The following C7orf33 variants were observed in gnomAD, a reference collection of about 807,000 sequenced individuals.
C7orf33 encodes uncharacterized protein C7orf33.
A neutral mutation model predicts 13.4 loss-of-function variants in C7orf33; 15 were observed. That is an observed-to-expected ratio of 1.12 (90% CI 0.75 to 1.72). C7orf33 has a LOEUF of 1.72. Among genes scored for constraint, C7orf33 ranks in the 40% most tolerant of loss-of-function variants. C7orf33 has a pLI of 0.00. For synonymous variants in C7orf33, 73 were observed against 83.2 expected, an observed-to-expected ratio of 0.88 and a Z score of 0.67; for missense variants, 187 against 220.3, an observed-to-expected ratio of 0.85 and a Z score of 0.96.
rs187081306 is a variant in C7orf33 at position 148,606,601 on chromosome 7, C to T, written c.205-7441C>T. ...TCTTTTAAAAACAAACAAACAAAAA[C>T]GGAGTCTTGCTCTGTTGCCCAGGCT... On this transcript the variant is annotated intron_variant, in intron 1 of 2. Coordinates refer to ENST00000307003, the MANE Select transcript of C7orf33 (RefSeq NM_145304.4). Among the ~76,000 whole-genome samples, 250 of 152,164 alleles carry T rather than the reference C, an allele frequency of 1.6e-3. 1 individual carries two copies. Among genetic ancestry groups the T allele is most frequent in the Middle Eastern group, 3.4e-3 (1 of 294 alleles).
intron 1 of C7orf33, among the ~76,000 whole-genome samples, chr7:148,597,948 G>A (rs1382106338): frequency 6.6e-6 from 1 of 152,030 alleles, no homozygotes; most frequent in Non-Finnish European, 1.5e-5. Context: ...GTAGAGATGG[G>A]GTTTCACTGT....
intron 1 of C7orf33, among the ~76,000 whole-genome samples, chr7:148,607,709 G>T (rs1432359515): frequency 6.6e-6 from 1 of 152,068 alleles, no homozygotes; most frequent in Non-Finnish European, 1.5e-5. Flanking sequence ...AAAAAGTCCT[G>T]CAGGATATTT....
chr7:148,603,825 CAT>C (rs761399037), intron 1 of C7orf33, among the ~76,000 whole-genome samples: 9 of 152,296 alleles, frequency 5.9e-5, no homozygotes, highest in East Asian at 1.9e-4. Context: ...TCCATAGACA[CAT>C]GTGTTAATGG....
At chr7:148,595,339 G>A (rs1218231841) in intron 1 of C7orf33, among the ~76,000 whole-genome samples, 3 of 133,348 alleles carry the variant, frequency 2.2e-5, no homozygotes, top group Non-Finnish European at 3.1e-5. Flanking sequence ...ATATAATATA[G>A]ATCTATATTA....
At chr7:148,612,643 C>A (rs1796557198) in intron 1 of C7orf33, among the ~76,000 whole-genome samples, 1 of 152,098 alleles carries the variant, frequency 6.6e-6, no homozygotes, top group Non-Finnish European at 1.5e-5. Context: ...AGATACTCAA[C>A]ATCATTAGCC....
chr7:148,606,835 C>T (rs1353105509), intron 1 of C7orf33, among the ~76,000 whole-genome samples: 4 of 152,050 alleles, frequency 2.6e-5, no homozygotes, highest in South Asian at 4.1e-4. Context: ...GATCCACCCA[C>T]GTTGGCCTCC....
intron 1 of C7orf33, among the ~76,000 whole-genome samples, chr7:148,592,344 A>C (rs1426546497): frequency 6.6e-6 from 1 of 152,192 alleles, no homozygotes; most frequent in Non-Finnish European, 1.5e-5. Flanking sequence ...ATACCTCCTC[A>C]GCCAGGGGTA....
At chr7:148,597,660 C>T (rs1303399897) in intron 1 of C7orf33, among the ~76,000 whole-genome samples, 1 of 152,198 alleles carries the variant, frequency 6.6e-6, no homozygotes, top group Non-Finnish European at 1.5e-5. Flanking sequence ...CTAGCCCCAT[C>T]CTTCCCAATC....
At chr7:148,606,568 C>T (rs1796475245) in intron 1 of C7orf33, among the ~76,000 whole-genome samples, 1 of 151,804 alleles carries the variant, frequency 6.6e-6, no homozygotes, top group South Asian at 2.1e-4. Flanking sequence ...TTCCTCAATC[C>T]TCATAGGTCT....
chr7:148,604,019 A>G (rs1164713264), intron 1 of C7orf33, among the ~76,000 whole-genome samples: 1 of 152,260 alleles, frequency 6.6e-6, no homozygotes, highest in Non-Finnish European at 1.5e-5. Flanking sequence ...GATTTGATAA[A>G]GAAATTGTGA....
At chr7:148,601,327 C>A (rs1325235007) in intron 1 of C7orf33, among the ~76,000 whole-genome samples, 1 of 151,936 alleles carries the variant, frequency 6.6e-6, no homozygotes, top group East Asian at 1.9e-4. Flanking sequence ...TATTTATTTT[C>A]CAAATAAGTG....
At chr7:148,600,789 T>A (rs943806455) in intron 1 of C7orf33, among the ~76,000 whole-genome samples, 8 of 151,252 alleles carry the variant, frequency 5.3e-5, no homozygotes, top group Non-Finnish European at 8.8e-5. Context: ...TTTCTCCATT[T>A]TATGGACTTC....
Position 148,594,175 on chromosome 7 carries a change from T to C in C7orf33, c.204+3046T>C, listed in dbSNP as rs111304866. Among the ~76,000 whole-genome samples, 53 of 149,546 alleles carry C rather than the reference T, an allele frequency of 3.5e-4. 1 individual carries two copies. The highest frequency in any genetic ancestry group is 3.5e-3 in the Middle Eastern group (1 of 288). On this transcript the variant is annotated intron_variant, in intron 1 of 2. Coordinates refer to ENST00000307003, the MANE Select transcript of C7orf33 (RefSeq NM_145304.4). ...TGAGCCAATTAAACCTCTTTTCTTT[T>C]TTTTTTTTTTTTTTTCTGAGACAGA...
intron 1 of C7orf33, among the ~76,000 whole-genome samples, chr7:148,608,157 T>C (rs1208890738): frequency 1.3e-5 from 2 of 152,214 alleles, no homozygotes; most frequent in Non-Finnish European, 2.9e-5. Flanking sequence ...GGCTGGGTGC[T>C]GTGGCTTACG....
intron 1 of C7orf33, among the ~76,000 whole-genome samples, chr7:148,595,634 TATATTATATAG>T: frequency 1.3e-5 from 1 of 79,506 alleles, no homozygotes; most frequent in African/African-American, 1.2e-4. Context: ...AATATACATC[TATATTATATAG>T]ATATAATATA....
At chr7:148,595,300 GAT>G (rs1276843091) in intron 1 of C7orf33, among the ~76,000 whole-genome samples, 5 of 136,340 alleles carry the variant, frequency 3.7e-5, no homozygotes, top group Non-Finnish European at 6.2e-5. Context: ...ATATTATATA[GAT>G]ATATAATATA....
intron 1 of C7orf33, among the ~76,000 whole-genome samples, chr7:148,592,999 T>A (rs1585452062): frequency 6.6e-6 from 1 of 151,186 alleles, no homozygotes; most frequent in East Asian, 2.0e-4. Flanking sequence ...CACCACCACA[T>A]CCTACTAATT....
rs1796592609 is a variant in C7orf33 at position 148,615,468 on chromosome 7, A to T, written c.*67A>T. The stretch of plus-strand genomic sequence containing the variant: ...AGATTGTGAAATCTCTTCTTGCAAG[A>T]AAAAAGAGAAATAGCTGAAGTTCTG... On this transcript the variant is annotated 3_prime_UTR_variant, in exon 3 of 3. Transcript: ENST00000307003. The T allele has an allele frequency of 9.9e-7, 1 of 1,012,180 alleles. No individual in the cohort carries two copies. The highest frequency in any genetic ancestry group is 1.6e-6 in the Non-Finnish European group (1 of 644,044). The allele number at this position is 1,012,180 out of a possible 1,614,324, so 62.7% of individuals were successfully genotyped here.
At chr7:148,614,327 G>C (rs1419649123) in intron 2 of C7orf33, 31 bp downstream of exon 2, 2 of 1,595,060 alleles carry the variant, frequency 1.3e-6, no homozygotes, top group East Asian at 2.2e-5. Flanking sequence ...GCACCTCCAA[G>C]TTTAAGGAAA....
Sources: allele counts gnomAD v4.1 joint callset (sites outside exome capture counted in the v4.1 genomes callset), GRCh38; gene constraint gnomAD v4.1.1; transcripts MANE v1.5; gene names NCBI Gene and HGNC (gene_info 2026-07-23, HGNC 2026-07-21).